RIPK2: variants seen among roughly 807,000 people sequenced by gnomAD.
RIPK2 encodes receptor-interacting serine/threonine-protein kinase 2.
A neutral mutation model predicts 60.9 loss-of-function variants in RIPK2; 38 were observed. That is an observed-to-expected ratio of 0.62 (90% CI 0.48 to 0.82). The LOEUF is 0.82. Ranked by LOEUF, RIPK2 falls within the 40% of genes least tolerant of loss-of-function variation. RIPK2 has a pLI of 0.00. For missense variants in RIPK2, 518 were observed against 647.0 expected (o/e 0.80, Z 2.16); for synonymous variants, 225 against 223.4 (o/e 1.01, Z -0.06).
At chr8:89,778,862 C>CT (rs531875494) in intron 6 of RIPK2, among the ~76,000 whole-genome samples, 91 of 152,258 alleles carry the variant, frequency 6.0e-4, no homozygotes, top group African/African-American at 2.1e-3. Flanking sequence ...ATAAATTTAT[C>CT]TTTAATTTTT....
At chr8:89,778,628 G>A (rs746855332) in intron 6 of RIPK2, among the ~76,000 whole-genome samples, 5 of 152,168 alleles carry the variant, frequency 3.3e-5, no homozygotes, top group Non-Finnish European at 7.3e-5. Flanking sequence ...GTTCATCCAG[G>A]TTTCGGCATG....
At chr8:89,758,310 G>C in intron 1 of RIPK2, 77 bp downstream of exon 1, 1 of 1,424,716 alleles carries the variant, frequency 7.0e-7, no homozygotes, top group South Asian at 1.4e-5. Flanking sequence ...GCGGGCTCTA[G>C]AGCCCAAATG....
chr8:89,771,180 G>A (rs1809305408), intron 4 of RIPK2, among the ~76,000 whole-genome samples: 1 of 151,884 alleles, frequency 6.6e-6, no homozygotes, highest in South Asian at 2.1e-4. Context: ...AACACAAGGT[G>A]TTAGTAGTAA....
intron 3 of RIPK2, among the ~76,000 whole-genome samples, chr8:89,768,179 C>T (rs1418469972): frequency 1.3e-5 from 2 of 151,554 alleles, no homozygotes; most frequent in Non-Finnish European, 1.5e-5. Context: ...TGCCACGTAT[C>T]GTTGCTTAAG....
At chr8:89,768,656 T>A (rs1194836542) in intron 3 of RIPK2, among the ~76,000 whole-genome samples, 1 of 151,770 alleles carries the variant, frequency 6.6e-6, no homozygotes, top group Non-Finnish European at 1.5e-5. Context: ...ATCTTGGTCC[T>A]TTTCTGTGAA....
At chr8:89,771,934 C>A in intron 5 of RIPK2, 144 bp downstream of exon 5, 1 of 661,826 alleles carries the variant, frequency 1.5e-6, no homozygotes. Flanking sequence ...GTTGTGAATG[C>A]ATCACATACT....
chr8:89,762,073 G>A (rs1809155982), intron 1 of RIPK2, among the ~76,000 whole-genome samples: 1 of 152,070 alleles, frequency 6.6e-6, no homozygotes, highest in Non-Finnish European at 1.5e-5. Context: ...GGAGCTAGCT[G>A]GCTGCTGGGG....
At chr8:89,785,700 A>G (rs1328775140) in intron 8 of RIPK2, among the ~76,000 whole-genome samples, 2 of 152,208 alleles carry the variant, frequency 1.3e-5, no homozygotes, top group Non-Finnish European at 2.9e-5. Context: ...CGAACCTTAA[A>G]GCATAGTATA....
chr8:89,785,409 G>A lies in RIPK2; in HGVS notation c.1030-1184G>A, dbSNP rs910866364. Among the ~76,000 whole-genome samples the A allele has an allele frequency of 8.6e-5, 13 of 151,680 alleles. No homozygotes were observed. In the East Asian group the frequency reaches 1.4e-3, roughly 16 times the overall value. On this transcript the variant is annotated intron_variant, in intron 8 of 10. Transcript: ENST00000220751. ...AGAATTGCTTGAACAAGCCAAGATC[G>A]CACCACTGCAGTCCACCCTGGGCGA...
rs769983685 is a variant in RIPK2 at position 89,769,949 on chromosome 8, G to T, written c.641+20G>T. The T allele has an allele frequency of 8.4e-6, 13 of 1,552,374 alleles. No individual in the cohort carries two copies. The Admixed American group carries it at 2.7e-4, about 32-fold the overall frequency. On this transcript the variant is annotated intron_variant, in intron 4 of 10. Coordinates refer to ENST00000220751, the MANE Select transcript of RIPK2 (RefSeq NM_003821.6). ...ATATAGGTAGAGTAAAGTTGCTTCT[G>T]CTCAGATTTAACCTTGTCTCAGACA...
rs189985312 is a variant in RIPK2, at chr8:89,786,963, C to T, written c.1123+277C>T. 5.2e-4 allele frequency among the ~76,000 whole-genome samples: 79 copies of T among 151,790 alleles called. 1 individual carries two copies. Among genetic ancestry groups the T allele is most frequent in the African/African-American group, 1.7e-3 (72 of 41,358 alleles). ...GGCAGATCACCTGAGGTCAGGAGTTCGAGACCAGCCTGGCCAACATGGTGA... is the reference window on the plus strand; with the variant it reads ...GGCAGATCACCTGAGGTCAGGAGTTTGAGACCAGCCTGGCCAACATGGTGA... On this transcript the variant is annotated intron_variant, in intron 9 of 10. Coordinates refer to ENST00000220751, the MANE Select transcript of RIPK2 (RefSeq NM_003821.6).
intron 2 of RIPK2, among the ~76,000 whole-genome samples, chr8:89,763,997 G>A (rs555303090): frequency 6.6e-6 from 1 of 152,028 alleles, no homozygotes; most frequent in Non-Finnish European, 1.5e-5. Context: ...TTTGCAGCTC[G>A]CTGGAAATTC....
intron 8 of RIPK2, among the ~76,000 whole-genome samples, chr8:89,784,576 A>C (rs1809554821): frequency 1.3e-5 from 2 of 152,170 alleles, no homozygotes; most frequent in South Asian, 4.1e-4. Flanking sequence ...TGAATTAGTA[A>C]TTTCTTTTAA....
chr8:89,789,827 A>G (rs1444365701), intron 10 of RIPK2, among the ~76,000 whole-genome samples: 1 of 152,224 alleles, frequency 6.6e-6, no homozygotes, highest in African/African-American at 2.4e-5. Context: ...AAATGATGAC[A>G]TAAAGTGGTT....
intron 4 of RIPK2, 131 bp downstream of exon 4, chr8:89,770,060 A>G (rs933768750): frequency 4.0e-5 from 28 of 694,408 alleles, no homozygotes; most frequent in African/African-American, 3.8e-4. Context: ...AATAAACTTG[A>G]GGCCCCACGG....
At chr8:89,765,293 T>C in intron 2 of RIPK2, 48 bp from the exon 3 acceptor site, 1 of 1,367,526 alleles carries the variant, frequency 7.3e-7, no homozygotes, top group East Asian at 2.3e-5. Flanking sequence ...TGAAACATAG[T>C]GAAATTTGGA....
Position 89,790,089 on chromosome 8 carries a change from G to A in RIPK2, c.1296G>A (p.Gln432=). The change falls in exon 11 of 11, where the codon CAG becomes CAA. Residue 432 remains glutamine, a synonymous_variant. Coordinates refer to ENST00000220751, the MANE Select transcript of RIPK2 (RefSeq NM_003821.6). ...CTTGTTCTTTTTCAGAACGTCTGCA[G>A]CCTGGTATAGCCCAGCAGTGGATCC... ...LSTAGNSERL[Q]PGIAQQWIQS... 2.5e-6 allele frequency: 4 copies of A among 1,610,162 alleles called. No homozygotes were observed. The highest frequency in any genetic ancestry group is 3.4e-6 in the Non-Finnish European group (4 of 1,178,128).
intron 2 of RIPK2, 117 bp from the exon 3 acceptor site, chr8:89,765,224 A>G: frequency 1.6e-6 from 1 of 626,280 alleles, no homozygotes; most frequent in African/African-American, 1.9e-5. Context: ...AAAAATGAGC[A>G]TATGTTTTAA....
In RIPK2 at chr8:89,790,118, G is replaced by A. The variant is rs200769968; in HGVS notation, c.1325G>A (p.Ser442Asn). The stretch of plus-strand genomic sequence containing the variant: ...GGTATAGCCCAGCAGTGGATCCAGA[G>A]CAAAAGGGAAGACATTGTGAACCAA... ...QPGIAQQWIQ[S>N]KREDIVNQMT... The change falls in exon 11 of 11, where the codon AGC becomes AAC. Residue 442 changes from serine (S) to asparagine (N), a missense_variant. Physicochemically the swap from Ser to Asn is conservative, Grantham distance 46 (BLOSUM62 1). Coordinates refer to ENST00000220751, the MANE Select transcript of RIPK2 (RefSeq NM_003821.6). The A allele has an allele frequency of 3.7e-6, 6 of 1,614,074 alleles. No individual in the cohort carries two copies. The highest frequency in any genetic ancestry group is 1.6e-4 in the Middle Eastern group (1 of 6,062).
Sources: allele counts gnomAD v4.1 joint callset (sites outside exome capture counted in the v4.1 genomes callset), GRCh38; gene constraint gnomAD v4.1.1; transcripts MANE v1.5; gene names NCBI Gene and HGNC (gene_info 2026-07-23, HGNC 2026-07-21).